Variants in ZSCAN23 observed in about 807,000 individuals in gnomAD.
ZSCAN23 encodes zinc finger and SCAN domain-containing protein 23.
A neutral mutation model predicts 19.3 loss-of-function variants in ZSCAN23; 19 were observed. The ratio of observed to expected loss-of-function variants is 0.99; its 90% CI spans 0.69 to 1.45. The LOEUF is 1.45. Ranked by LOEUF, ZSCAN23 falls within the 40% of genes most tolerant of loss-of-function variation. The pLI is 0.00. For missense variants in ZSCAN23, 372 were observed against 462.5 expected, an observed-to-expected ratio of 0.80 and a Z score of 1.79; for synonymous variants, 140 against 166.2, an observed-to-expected ratio of 0.84 and a Z score of 1.21.
the ZSCAN23 span, among the ~76,000 whole-genome samples, chr6:28,424,648 A>G: frequency 6.6e-6 from 1 of 152,230 alleles, no homozygotes; most frequent in Admixed American, 6.5e-5. Context: ...ATTTCATCCT[A>G]AGAAACCACT....
At chr6:28,440,048 C>T (rs749972607) in intron 1 of ZSCAN23, among the ~76,000 whole-genome samples, 13 of 152,098 alleles carry the variant, frequency 8.5e-5, no homozygotes, top group Non-Finnish European at 1.8e-4. Flanking sequence ...TCAGGGAAGG[C>T]CTTGATAAGG....
At chr6:28,427,728 AC>A (rs1479488705), downstream of ZSCAN23, among the ~76,000 whole-genome samples, 1 of 152,176 alleles carries the variant, frequency 6.6e-6, no homozygotes, top group Non-Finnish European at 1.5e-5. Flanking sequence ...CCTGTTAAAT[AC>A]GTTTCTAATG....
intron 1 of ZSCAN23, among the ~76,000 whole-genome samples, chr6:28,442,726 T>A (rs896008296): frequency 6.6e-6 from 1 of 152,194 alleles, no homozygotes; most frequent in African/African-American, 2.4e-5. Context: ...ATTGCCTGTA[T>A]TTGAATCCTG....
chr6:28,430,354 A>C (rs756952024), downstream of ZSCAN23, among the ~76,000 whole-genome samples: 1 of 152,120 alleles, frequency 6.6e-6, no homozygotes, highest in Non-Finnish European at 1.5e-5. Context: ...GTCTCTCAGA[A>C]GATAAAGGGC....
At chr6:28,422,235 A>AAAAAAG in the ZSCAN23 span, among the ~76,000 whole-genome samples, 1 of 152,094 alleles carries the variant, frequency 6.6e-6, no homozygotes, top group Non-Finnish European at 1.5e-5. This position sits in a 1 kb window ranked among gnomAD's most constrained non-coding sequence, Gnocchi z 4.0. Flanking sequence ...AGAGTGAAGA[A>AAAAAAG]AAAAAGAAAA....
downstream of ZSCAN23, among the ~76,000 whole-genome samples, chr6:28,429,065 T>C (rs1761706718): frequency 6.6e-6 from 1 of 152,174 alleles, no homozygotes; most frequent in African/African-American, 2.4e-5. Flanking sequence ...TCACATACTA[T>C]AACTATCCCT....
chr6:28,430,441 C>T (rs1761740923), downstream of ZSCAN23, among the ~76,000 whole-genome samples: 1 of 152,194 alleles, frequency 6.6e-6, no homozygotes, highest in Non-Finnish European at 1.5e-5. Flanking sequence ...GTCCAATTAC[C>T]TTCACTCTGC....
At chr6:28,428,855 G>A (rs1354687842), downstream of ZSCAN23, among the ~76,000 whole-genome samples, 1 of 152,152 alleles carries the variant, frequency 6.6e-6, no homozygotes, top group Non-Finnish European at 1.5e-5. Flanking sequence ...TGGCCAGGAA[G>A]TGTGCATACA....
chr6:28,439,651 G>A (rs999311839), intron 1 of ZSCAN23, among the ~76,000 whole-genome samples: 1 of 152,096 alleles, frequency 6.6e-6, no homozygotes, highest in African/African-American at 2.4e-5. Context: ...TGCTTTTAAC[G>A]TGCCAGGTAT....
intron 1 of ZSCAN23, among the ~76,000 whole-genome samples, chr6:28,441,551 C>T (rs577004605): frequency 2.0e-4 from 31 of 152,250 alleles, no homozygotes; most frequent in African/African-American, 6.3e-4. Flanking sequence ...CCTCTTCCAA[C>T]TGCCCACTCA....
chr6:28,421,702 C>G, the ZSCAN23 span, among the ~76,000 whole-genome samples: 2 of 152,138 alleles, frequency 1.3e-5, no homozygotes, highest in Admixed American at 6.5e-5. Flanking sequence ...GCACATGATG[C>G]AGACAGCAAA....
chr6:28,432,174 T>C (rs1761773030), downstream of ZSCAN23: 1 of 152,168 alleles, frequency 6.6e-6, no homozygotes, highest in Non-Finnish European at 1.5e-5. Flanking sequence ...ACTTCACTTT[T>C]CTCATTATCT....
Position 28,434,724 on chromosome 6 carries a change from C to T in ZSCAN23, c.911G>A (p.Arg304His), listed in dbSNP as rs763258905. 6.9e-6 allele frequency: 11 copies of T among 1,597,832 alleles called. No homozygotes were observed. Among genetic ancestry groups the T allele is most frequent in the South Asian group, 1.1e-5 (1 of 88,866 alleles). ...QHQRLHTGEK[R>H]YQCSVCGKAF... The stretch of plus-strand genomic sequence containing the variant: ...TTTGCCACAAACACTGCACTGGTAG[C>T]GCTTCTCCCCAGTGTGGAGTCTCTG... Residue 304 changes from arginine (R) to histidine (H), a missense_variant, in exon 4 of 4, where the codon CGC becomes CAC. Transcript: ENST00000289788.
chr6:28,435,639 A>G lies in ZSCAN23; in HGVS notation c.409-32T>C, dbSNP rs187973394. On this transcript the variant is annotated intron_variant, in intron 2 of 3. Transcript: ENST00000289788. ...GAAATCAAGGACAGTTGGGAACCCA[A>G]TATCAGAGAGAACATGGCAAGGAGG... 1.1e-3 allele frequency: 1,720 copies of G among 1,538,312 alleles called. 3 individuals are homozygous for G. Among genetic ancestry groups the G allele is most frequent in the Non-Finnish European group, 1.3e-3 (1,472 of 1,141,778 alleles).
At chr6:28,430,265 C>A (rs1203735355), downstream of ZSCAN23, among the ~76,000 whole-genome samples, 2 of 152,142 alleles carry the variant, frequency 1.3e-5, no homozygotes, top group African/African-American at 4.8e-5. Flanking sequence ...AGAGCCCAAC[C>A]AAGATCCTGG....
At chr6:28,425,770 G>A in the ZSCAN23 span, among the ~76,000 whole-genome samples, 1 of 152,186 alleles carries the variant, frequency 6.6e-6, no homozygotes, top group African/African-American at 2.4e-5. Flanking sequence ...GTCCAAGATG[G>A]TATCTTCTTC....
At position 28,436,053 on chromosome 6, in the gene ZSCAN23, G is replaced by A. The variant is rs781724849; in HGVS notation, c.214C>T (p.Leu72Phe). 1 of 1,614,226 alleles carries A rather than the reference G, an allele frequency of 6.2e-7. No homozygotes were observed. Among genetic ancestry groups the A allele is most frequent in the Non-Finnish European group, 8.5e-7 (1 of 1,180,040 alleles). Residue 72 changes from leucine to phenylalanine, a missense_variant, in exon 2 of 4, where the codon CTC (leucine) becomes TTC (phenylalanine). Coordinates refer to ENST00000289788, the MANE Select transcript of ZSCAN23 (RefSeq NM_001012455.2). ...PREALQRLQELCHQWLRPEMH... is the reference protein window; with the variant it reads ...PREALQRLQEFCHQWLRPEMH... ...TCTGGTCTCAGCCACTGATGGCAGAGCTCCTGGAGTCTTTGAAGAGCCTCC... is the reference window on the plus strand; with the variant it reads ...TCTGGTCTCAGCCACTGATGGCAGAACTCCTGGAGTCTTTGAAGAGCCTCC...
chr6:28,424,802 G>A, the ZSCAN23 span, among the ~76,000 whole-genome samples: 1 of 152,116 alleles, frequency 6.6e-6, no homozygotes, highest in Admixed American at 6.5e-5. Flanking sequence ...TTCCTCCACT[G>A]AAGTCTTGAA....
At chr6:28,435,726 CAGAG>C (rs1761869431) in intron 2 of ZSCAN23, 119 bp from the exon 3 acceptor site, 1 of 1,428,106 alleles carries the variant, frequency 7.0e-7, no homozygotes, top group Admixed American at 2.8e-5. Flanking sequence ...AAAACAGAGG[CAGAG>C]AGACTAAAAG....
Sources: gnomAD v4.1 joint callset for allele counts (sites outside exome capture counted in the v4.1 genomes callset) on GRCh38, gnomAD v4.1.1 for gene constraint, Gnocchi (gnomAD v3.1) non-coding constraint, MANE v1.5 for transcripts, NCBI Gene and HGNC (gene_info 2026-07-23, HGNC 2026-07-21) for gene names.